Variants in TWIST2 observed in about 807,000 individuals in gnomAD.
TWIST2 encodes the protein twist family bHLH transcription factor 2, also known as twist-related protein 2.
Under a neutral mutation model 11.6 loss-of-function variants are expected in TWIST2, and 1 was observed. That is an observed-to-expected ratio of 0.09 (90% CI 0.03 to 0.41). TWIST2 has a LOEUF of 0.41. Ranked by LOEUF, TWIST2 falls within the 10% of genes least tolerant of loss-of-function variation. The pLI, the probability that TWIST2 is intolerant of heterozygous loss-of-function variation, is 0.98. For missense variants in TWIST2, 168 were observed against 226.4 expected (o/e 0.74, Z 1.66); for synonymous variants, 87 against 96.6 (o/e 0.90, Z 0.58).
intron 1 of TWIST2, among the ~76,000 whole-genome samples, chr2:238,894,608 C>T (rs1222672073): frequency 6.6e-6 from 1 of 152,196 alleles, no homozygotes; most frequent in African/African-American, 2.4e-5. Flanking sequence ...TTCCTGGCCT[C>T]CTTGTCGCTT....
At chr2:238,852,678 C>CATGCAT (rs1174590794) in intron 1 of TWIST2, among the ~76,000 whole-genome samples, 2 of 152,008 alleles carry the variant, frequency 1.3e-5, no homozygotes, top group Admixed American at 6.6e-5. Flanking sequence ...CGCACATGCA[C>CATGCAT]GTGCACACAC....
intron 1 of TWIST2, among the ~76,000 whole-genome samples, chr2:238,859,320 T>G (rs550192971): frequency 6.6e-6 from 1 of 152,182 alleles, no homozygotes; most frequent in Non-Finnish European, 1.5e-5. Flanking sequence ...ATTTGGGATT[T>G]CATTTATATG....
At chr2:238,908,047 A>G (rs1162651562) in intron 1 of TWIST2, among the ~76,000 whole-genome samples, 4 of 150,990 alleles carry the variant, frequency 2.6e-5, no homozygotes, top group East Asian at 3.9e-4. Context: ...ACCCCCACAT[A>G]CACACACAAA....
At chr2:238,855,153 C>T (rs570956148) in intron 1 of TWIST2, among the ~76,000 whole-genome samples, 11 of 152,294 alleles carry the variant, frequency 7.2e-5, no homozygotes, top group South Asian at 4.1e-4. Flanking sequence ...GGGTCCCTTC[C>T]GGAAAGTTTG....
intron 1 of TWIST2, among the ~76,000 whole-genome samples, chr2:238,891,255 G>A (rs1158398415): frequency 6.6e-6 from 1 of 152,182 alleles, no homozygotes; most frequent in Admixed American, 6.5e-5. Context: ...GACCCTATCG[G>A]GAGCATTCGG....
At chr2:238,857,117 T>A (rs1191131260) in intron 1 of TWIST2, among the ~76,000 whole-genome samples, 1 of 152,030 alleles carries the variant, frequency 6.6e-6, no homozygotes, top group East Asian at 1.9e-4. Flanking sequence ...TGGGTTGGCC[T>A]GAGACTGTTC....
Position 238,882,908 on chromosome 2 carries a change from C to T in TWIST2, c.*36-26934C>T, listed in dbSNP as rs552151509. ...AGCTGAGGGGCAGATGACCGTGGTC[C>T]AGGTGTGCCCCCTGGATGGATGTAG... On this transcript the variant is annotated intron_variant, in intron 1 of 1. Transcript: ENST00000612363. 5.9e-5 allele frequency among the ~76,000 whole-genome samples: 9 copies of T among 152,222 alleles called. No homozygotes were observed. The South Asian group carries it at 1.7e-3, about 28-fold the overall frequency.
chr2:238,870,296 ACC>A (rs1469901437), intron 1 of TWIST2, among the ~76,000 whole-genome samples: 4 of 104 alleles, frequency 0.038, 2 homozygotes, highest in Non-Finnish European at 0.12. Flanking sequence ...CATACCACAC[ACC>A]CCCACACACC....
intron 1 of TWIST2, among the ~76,000 whole-genome samples, chr2:238,874,063 G>A (rs1478656300): frequency 6.6e-6 from 1 of 152,136 alleles, no homozygotes; most frequent in Non-Finnish European, 1.5e-5. Context: ...GAAGACAAGG[G>A]GCCTGAGCTG....
intron 1 of TWIST2, among the ~76,000 whole-genome samples, chr2:238,896,456 A>C (rs1693208746): frequency 6.6e-6 from 1 of 152,296 alleles, no homozygotes; most frequent in East Asian, 1.9e-4. Context: ...GTCCTTTCAG[A>C]GATGGAGGAA....
At chr2:238,906,112 C>A (rs1180447442) in intron 1 of TWIST2, among the ~76,000 whole-genome samples, 1 of 152,154 alleles carries the variant, frequency 6.6e-6, no homozygotes, top group Admixed American at 6.5e-5. Context: ...AGGACCTGGG[C>A]TGCTGGGGTG....
intron 1 of TWIST2, among the ~76,000 whole-genome samples, chr2:238,899,836 A>C (rs1434854128): frequency 6.6e-6 from 1 of 152,230 alleles, no homozygotes; most frequent in South Asian, 2.1e-4. Context: ...ACAGGTGTCC[A>C]AACCGTGTCA....
At chr2:238,859,357 C>T (rs954035473) in intron 1 of TWIST2, among the ~76,000 whole-genome samples, 2 of 151,890 alleles carry the variant, frequency 1.3e-5, no homozygotes, top group African/African-American at 4.8e-5. Flanking sequence ...CAAATCCATA[C>T]AGGCAGAAAG....
At chr2:238,875,799 A>G (rs1393723036) in intron 1 of TWIST2, among the ~76,000 whole-genome samples, 1 of 152,256 alleles carries the variant, frequency 6.6e-6, no homozygotes, top group East Asian at 1.9e-4. Flanking sequence ...ACAAATAAAT[A>G]GATGGAAAGG....
At chr2:238,902,171 GGT>G (rs1414697379) in intron 1 of TWIST2, among the ~76,000 whole-genome samples, 9 of 151,608 alleles carry the variant, frequency 5.9e-5, no homozygotes, top group East Asian at 1.9e-4. Context: ...GGTGTGTAAT[GGT>G]GTGTGTGTGT....
intron 1 of TWIST2, among the ~76,000 whole-genome samples, chr2:238,876,279 C>T (rs759312494): frequency 4.1e-4 from 62 of 152,318 alleles, no homozygotes; most frequent in South Asian, 1.4e-3. Flanking sequence ...GTCCTTACTC[C>T]TAAGGAGTTT....
At chr2:238,899,055 C>T (rs1027561692) in intron 1 of TWIST2, among the ~76,000 whole-genome samples, 7 of 152,390 alleles carry the variant, frequency 4.6e-5, no homozygotes, top group Non-Finnish European at 7.3e-5. Context: ...TGACCTGGCA[C>T]GGCCCAGCAT....
chr2:238,877,961 G>T (rs1350483552), intron 1 of TWIST2, among the ~76,000 whole-genome samples: 1 of 152,156 alleles, frequency 6.6e-6, no homozygotes, highest in Non-Finnish European at 1.5e-5. Context: ...AAAACGCAAT[G>T]AAATGGAACT....
intron 1 of TWIST2, among the ~76,000 whole-genome samples, chr2:238,872,037 C>T (rs933976693): frequency 4.6e-5 from 7 of 152,158 alleles, no homozygotes; most frequent in African/African-American, 4.8e-5. Context: ...AACGTTAAGA[C>T]GGTCAATTTT....
Sources: allele counts gnomAD v4.1 joint callset (sites outside exome capture counted in the v4.1 genomes callset), GRCh38; gene constraint gnomAD v4.1.1; transcripts MANE v1.5; gene names NCBI Gene and HGNC (gene_info 2026-07-23, HGNC 2026-07-21).